Variants in EPHA3 observed in about 807,000 individuals in gnomAD.
EPHA3 encodes the protein EPH receptor A3.
Under a neutral mutation model 107.1 loss-of-function variants are expected in EPHA3, and 42 were observed. The observed-to-expected ratio is 0.39, with a 90% confidence interval of 0.31 to 0.51. EPHA3 has a LOEUF of 0.51. EPHA3 is among the 20% of genes least tolerant of loss of function. The pLI is 0.78. For missense variants in EPHA3, 1,183 were observed against 1,211.2 expected, an observed-to-expected ratio of 0.98 and a Z score of 0.35; for synonymous variants, 461 against 424.8, an observed-to-expected ratio of 1.09 and a Z score of -1.05.
At chr3:89,446,358 C>T (rs1023002253) in intron 13 of EPHA3, among the ~76,000 whole-genome samples, 2 of 152,142 alleles carry the variant, frequency 1.3e-5, no homozygotes, top group African/African-American at 2.4e-5. Flanking sequence ...AGAGGATTCT[C>T]CTTCCAAGCT....
At chr3:89,437,586 A>G (rs1304405371) in intron 13 of EPHA3, among the ~76,000 whole-genome samples, 4 of 152,100 alleles carry the variant, frequency 2.6e-5, no homozygotes, top group Non-Finnish European at 4.4e-5. Context: ...CCACTGAATG[A>G]TTTTTCAATT....
intron 13 of EPHA3, among the ~76,000 whole-genome samples, chr3:89,447,100 A>G (rs1709890720): frequency 6.6e-6 from 1 of 152,156 alleles, no homozygotes; most frequent in Non-Finnish European, 1.5e-5. Flanking sequence ...GTAGTATTTG[A>G]AATTTTGAAT....
intron 3 of EPHA3, among the ~76,000 whole-genome samples, chr3:89,281,181 G>A (rs913481928): frequency 1.3e-5 from 2 of 151,916 alleles, no homozygotes; most frequent in South Asian, 2.1e-4. Flanking sequence ...ACGCCGCCAC[G>A]CCCGGCTAAT....
At chr3:89,182,899 CA>C (rs1231770499) in intron 2 of EPHA3, among the ~76,000 whole-genome samples, 6 of 151,760 alleles carry the variant, frequency 4.0e-5, no homozygotes, top group Non-Finnish European at 8.8e-5. Flanking sequence ...GTATATATTA[CA>C]TTGTTACTAA....
At chr3:89,409,669 C>T (rs527553682) in intron 9 of EPHA3, among the ~76,000 whole-genome samples, 39 of 152,108 alleles carry the variant, frequency 2.6e-4, no homozygotes, top group Non-Finnish European at 4.7e-4. Context: ...AACTTATATG[C>T]ATGTCATAAA....
intron 2 of EPHA3, among the ~76,000 whole-genome samples, chr3:89,127,568 T>C (rs750398152): frequency 2.0e-5 from 3 of 151,986 alleles, no homozygotes; most frequent in Non-Finnish European, 4.4e-5. Context: ...TTTGATGTGA[T>C]CAGAATAAGT....
chr3:89,164,091 C>T (rs114476811), intron 2 of EPHA3, among the ~76,000 whole-genome samples: 136 of 152,180 alleles, frequency 8.9e-4, no homozygotes, highest in Non-Finnish European at 1.8e-3. Flanking sequence ...ACAGAGGTAG[C>T]GTTTCAGACA....
rs1295767981 is a variant in EPHA3 at position 89,127,232 on chromosome 3, A to G, written c.112A>G (p.Ile38Val). ...NEVNLLDSKT[I>V]QGELGWISYP... ...AGTCAATCTACTGGATTCAAAAACAATTCAAGGGGAGCTGGGCTGGATCTC... is the reference window on the plus strand; with the variant it reads ...AGTCAATCTACTGGATTCAAAAACAGTTCAAGGGGAGCTGGGCTGGATCTC... The change falls in exon 2 of 17, where the codon ATT becomes GTT. Residue 38 changes from isoleucine (I) to valine (V), a missense_variant. By Grantham distance (29) the Ile-to-Val change is conservative. Transcript: ENST00000336596. 1 of 1,612,464 alleles carries G rather than the reference A, an allele frequency of 6.2e-7. No individual in the cohort carries two copies.
chr3:89,201,673 G>T (rs980388392), intron 2 of EPHA3, among the ~76,000 whole-genome samples: 2 of 152,140 alleles, frequency 1.3e-5, no homozygotes, highest in African/African-American at 4.8e-5. Context: ...TTTCTTAAAT[G>T]AATCTGTATC....
intron 2 of EPHA3, among the ~76,000 whole-genome samples, chr3:89,129,846 A>T (rs1250349615): frequency 6.6e-6 from 1 of 152,170 alleles, no homozygotes; most frequent in Non-Finnish European, 1.5e-5. Context: ...TTTCATAAAA[A>T]AAAGACAAGT....
intron 2 of EPHA3, among the ~76,000 whole-genome samples, chr3:89,176,840 CA>C (rs1383780358): frequency 6.6e-6 from 1 of 152,082 alleles, no homozygotes; most frequent in African/African-American, 2.4e-5. Context: ...ATAAAATTTT[CA>C]AAATGGCTTT....
At chr3:89,408,172 T>G (rs755466628) in intron 9 of EPHA3, 41 bp downstream of exon 9, 14 of 1,588,846 alleles carry the variant, frequency 8.8e-6, no homozygotes, top group Non-Finnish European at 1.1e-5. Context: ...CTTCACCGTT[T>G]TAGCTTTAGC....
At chr3:89,271,030 A>C (rs184090777) in intron 3 of EPHA3, among the ~76,000 whole-genome samples, 53 of 152,170 alleles carry the variant, frequency 3.5e-4, no homozygotes, top group African/African-American at 1.2e-3. Flanking sequence ...CTGATATGGA[A>C]AGAATAAGCC....
At chr3:89,381,605 G>A (rs1487529919) in intron 5 of EPHA3, among the ~76,000 whole-genome samples, 2 of 151,886 alleles carry the variant, frequency 1.3e-5, no homozygotes, top group Non-Finnish European at 2.9e-5. Flanking sequence ...GGAGGCAGAG[G>A]TTGCAATGAG....
intron 2 of EPHA3, among the ~76,000 whole-genome samples, chr3:89,127,765 G>A (rs1662340432): frequency 6.6e-6 from 1 of 151,924 alleles, no homozygotes; most frequent in Non-Finnish European, 1.5e-5. Context: ...AGTTTGCCTA[G>A]ATCAGCTCAA....
At chr3:89,413,517 A>G (rs1709193831) in intron 10 of EPHA3, among the ~76,000 whole-genome samples, 1 of 151,794 alleles carries the variant, frequency 6.6e-6, no homozygotes, top group Admixed American at 6.6e-5. Flanking sequence ...CAATCTTCCC[A>G]TAGCTGTGCT....
chr3:89,119,836 C>T (rs1707338466), intron 1 of EPHA3, among the ~76,000 whole-genome samples: 1 of 152,088 alleles, frequency 6.6e-6, no homozygotes, highest in African/African-American at 2.4e-5. Context: ...TTTTGTTTCA[C>T]CACTACATTC....
rs1270631593 is a variant in EPHA3, at chr3:89,413,064, T to A, written c.1763-77T>A. 6.3e-6 allele frequency: 10 copies of A among 1,585,474 alleles called. No homozygotes were observed. In the African/African-American group the frequency reaches 1.4e-4, roughly 21 times the overall value. On this transcript the variant is annotated intron_variant, in intron 9 of 16. Coordinates refer to ENST00000336596, the MANE Select transcript of EPHA3 (RefSeq NM_005233.6). ...TGGGGTAGGGATTTTTTTAAACCAA[T>A]AATGCCATAAAATTTGATCTATAAT...
chr3:89,217,016 C>A (rs1163277530), intron 3 of EPHA3, among the ~76,000 whole-genome samples: 1 of 152,078 alleles, frequency 6.6e-6, no homozygotes, highest in Non-Finnish European at 1.5e-5. Flanking sequence ...TTTGTCAATG[C>A]AGATTCATTG....
Sources: gnomAD v4.1 joint callset for allele counts (sites outside exome capture counted in the v4.1 genomes callset) on GRCh38, gnomAD v4.1.1 for gene constraint, MANE v1.5 for transcripts, NCBI Gene and HGNC (gene_info 2026-07-23, HGNC 2026-07-21) for gene names.